HBA2: variants seen among roughly 807,000 people sequenced by gnomAD.
HBA2 encodes hemoglobin subunit alpha 2, also known as hemoglobin subunit alpha.
HBA2 carries 9 observed loss-of-function variants against 5.6 expected under a neutral mutation model. That is an observed-to-expected ratio of 1.60 (90% CI 0.97 to 2.80). The LOEUF is 2.80. Ranked by LOEUF, HBA2 falls within the 30% of genes most tolerant of loss-of-function variation. The pLI, the probability that HBA2 is intolerant of heterozygous loss-of-function variation, is 0.00. For synonymous variants in HBA2, 38 were observed against 73.4 expected, an observed-to-expected ratio of 0.52 and a Z score of 2.47; for missense variants, 86 against 152.1, an observed-to-expected ratio of 0.57 and a Z score of 2.29.
intron 1 of HBA2, 46 bp downstream of exon 1, chr16:173,053 G>A: frequency 2.0e-6 from 1 of 495,096 alleles, no homozygotes; most frequent in Non-Finnish European, 3.4e-6. Flanking sequence ...CGCCCGCCCG[G>A]ACCCACAGGC....
chr16:173,642 C>CCAACGGG lies in HBA2; in HGVS notation c.*44_*50dup, dbSNP rs1291917200. 3 of 1,606,498 alleles carry CCAACGGG rather than the reference C, an allele frequency of 1.9e-6. No homozygotes were observed. The highest frequency in any genetic ancestry group is 2.5e-6 in the Non-Finnish European group (3 of 1,178,852). On this transcript the variant is annotated 3_prime_UTR_variant, in exon 3 of 3. Transcript: ENST00000251595. ...CCGTTCCTCCTGCCCGCTGGGCCTC[C>CCAACGGG]CAACGGGCCCTCCTCCCCTCCTTGC...
At position 172,933 on chromosome 16, in the gene HBA2, CA is replaced by C; in HGVS notation, c.23del (p.Lys8ArgfsTer42). The C allele has an allele frequency of 3.1e-6, 1 of 326,890 alleles. No homozygotes were observed. Among genetic ancestry groups the C allele is most frequent in the South Asian group, 2.3e-5 (1 of 43,224 alleles). 20.2% of individuals were successfully genotyped at this position (326,890 alleles called of 1,614,324 possible). A position where few individuals can be genotyped will look rare whatever the true frequency, so the allele number is the denominator to read the frequency against. On this transcript the variant is annotated frameshift_variant, in exon 1 of 3. Transcript: ENST00000251595. LOFTEE classifies it high-confidence loss of function. ...CCACCATGGTGCTGTCTCCTGCCGA[CA>C]AGACCAACGTCAAGGCCGCCTGGGG... MVLSPAD[K>X]TNVKAAWGKV...
rs41397847 is a variant in HBA2, at chr16:173,548, T to G, written c.377T>G (p.Leu126Arg). 3.1e-6 allele frequency: 5 copies of G among 1,607,758 alleles called. 1 individual carries two copies. In the Admixed American group the frequency reaches 5.0e-5, roughly 16 times the overall value. The change falls in exon 3 of 3, where the codon CTG becomes CGG. Residue 126 changes from leucine to arginine, a missense_variant. Leu to Arg is a moderately radical substitution (Grantham distance 102). This residue lies in a region of HBA2 where 44 missense variants were observed against 54.8 expected (regional missense o/e 0.80). Transcript: ENST00000251595. ...AEFTPAVHAS[L>R]DKFLASVSTV... ...TTCACCCCTGCGGTGCACGCCTCCC[T>G]GGACAAGTTCCTGGCTTCTGTGAGC...
rs1473462077 is a variant in HBA2 at position 173,242 on chromosome 16, G to C, written c.213G>C (p.Val71=). The change falls in exon 2 of 3, where the codon GTG becomes GTC. Residue 71 remains valine, a synonymous_variant. Coordinates refer to ENST00000251595, the MANE Select transcript of HBA2 (RefSeq NM_000517.6). ...TGGCCGACGCGCTGACCAACGCCGT[G>C]GCGCACGTGGACGACATGCCCAACG... The part of the protein sequence containing the change: ...KKVADALTNA[V]AHVDDMPNAL... 1 of 1,409,386 alleles carries C rather than the reference G, an allele frequency of 7.1e-7. No individual in the cohort carries two copies. Among genetic ancestry groups the C allele is most frequent in the Non-Finnish European group, 9.5e-7 (1 of 1,053,100 alleles). 87.3% of individuals were successfully genotyped at this position (1,409,386 alleles called of 1,614,324 possible).
chr16:172,956 G>A lies in HBA2; in HGVS notation c.44G>A (p.Trp15Ter). ...PADKTNVKAA[W>*]GKVGAHAGEY... ...GACAAGACCAACGTCAAGGCCGCCT[G>A]GGGTAAGGTCGGCGCGCACGCTGGC... Residue 15 changes from tryptophan to a stop codon, truncating the protein, a stop_gained, in exon 1 of 3, where the codon TGG (tryptophan) becomes TAG (stop). Coordinates refer to ENST00000251595, the MANE Select transcript of HBA2 (RefSeq NM_000517.6). LOFTEE classifies it high-confidence loss of function. 1 of 386,044 alleles carries A rather than the reference G, an allele frequency of 2.6e-6. No individual in the cohort carries two copies. Among genetic ancestry groups the A allele is most frequent in the South Asian group, 2.3e-5 (1 of 44,136 alleles). 23.9% of individuals were successfully genotyped at this position (386,044 alleles called of 1,614,324 possible).
chr16:173,608 C>T lies in HBA2; in HGVS notation c.*8C>T, dbSNP rs752079990. The T allele has an allele frequency of 5.6e-6, 9 of 1,608,292 alleles. 2 individuals carry two copies. The African/African-American group carries it at 9.8e-5, about 18-fold the overall frequency. On this transcript the variant is annotated 3_prime_UTR_variant, in exon 3 of 3. Coordinates refer to ENST00000251595, the MANE Select transcript of HBA2 (RefSeq NM_000517.6). ...ACCTCCAAATACCGTTAAGCTGGAG[C>T]CTCGGTAGCCGTTCCTCCTGCCCGC...
chr16:173,397 T>C, intron 2 of HBA2, 68 bp downstream of exon 2: 1 of 1,604,786 alleles, frequency 6.2e-7, no homozygotes, highest in South Asian at 1.1e-5. Flanking sequence ...GGGCAGAGGA[T>C]CACGCGGGTT....
Position 173,442 on chromosome 16 carries a change from T to C in HBA2, c.301-30T>C, listed in dbSNP as rs1902056664. On this transcript the variant is annotated intron_variant, in intron 2 of 2. Coordinates refer to ENST00000251595, the MANE Select transcript of HBA2 (RefSeq NM_000517.6). The stretch of plus-strand genomic sequence containing the variant: ...GTAGCGCAGGCGGCGGCTGCGGGCC[T>C]GGGCCGCACTGACCCTCTTCTCTGC... 5 of 1,604,520 alleles carry C rather than the reference T, an allele frequency of 3.1e-6. 1 individual carries two copies. In the African/African-American group the frequency reaches 4.4e-5, roughly 14 times the overall value.
intron 1 of HBA2, 43 bp downstream of exon 1, chr16:173,050 C>T: frequency 4.1e-6 from 2 of 493,074 alleles, no homozygotes; most frequent in Admixed American, 3.5e-5. Context: ...CCTCGCCCGC[C>T]CGGACCCACA....
rs1263969213 is a variant in HBA2, at chr16:173,484, T to C, written c.313T>C (p.Cys105Arg). Residue 105 changes from cysteine (C) to arginine (R), a missense_variant, in exon 3 of 3, where the codon TGC (cysteine) becomes CGC (arginine). Around this residue, in one of 3 missense-constraint regions of HBA2, gnomAD observed 44 missense variants for 54.8 expected, o/e 0.80. Coordinates refer to ENST00000251595, the MANE Select transcript of HBA2 (RefSeq NM_000517.6). ...CTTCTCTGCACAGCTCCTAAGCCACTGCCTGCTGGTGACCCTGGCCGCCCA... is the reference window on the plus strand; with the variant it reads ...CTTCTCTGCACAGCTCCTAAGCCACCGCCTGCTGGTGACCCTGGCCGCCCA... The part of the protein sequence containing the change: ...DPVNFKLLSH[C>R]LLVTLAAHLP... The C allele has an allele frequency of 6.2e-7, 1 of 1,606,102 alleles. No homozygotes were observed. The highest frequency in any genetic ancestry group is 1.7e-5 in the Admixed American group (1 of 59,876).
At position 173,456 on chromosome 16, in the gene HBA2, C is replaced by G. The variant is rs766552284; in HGVS notation, c.301-16C>G. 6.2e-6 allele frequency: 10 copies of G among 1,605,136 alleles called. No homozygotes were observed. The highest frequency in any genetic ancestry group is 8.5e-6 in the Non-Finnish European group (10 of 1,179,838). ...GGCTGCGGGCCTGGGCCGCACTGAC[C>G]CTCTTCTCTGCACAGCTCCTAAGCC... On this transcript the variant is annotated splice_polypyrimidine_tract_variant and intron_variant, in intron 2 of 2. Transcript: ENST00000251595.
At position 173,645 on chromosome 16, in the gene HBA2, A is replaced by C. The variant is rs4021972; in HGVS notation, c.*45A>C. On this transcript the variant is annotated 3_prime_UTR_variant, in exon 3 of 3. Coordinates refer to ENST00000251595, the MANE Select transcript of HBA2 (RefSeq NM_000517.6). ...TTCCTCCTGCCCGCTGGGCCTCCCA[A>C]CGGGCCCTCCTCCCCTCCTTGCACC... The C allele has an allele frequency of 1.9e-6, 3 of 1,604,506 alleles. No individual in the cohort carries two copies. The highest frequency in any genetic ancestry group is 2.5e-6 in the Non-Finnish European group (3 of 1,177,466).
chr16:173,401 G>C lies in HBA2; in HGVS notation c.301-71G>C, dbSNP rs1902055325. 3.1e-6 allele frequency: 5 copies of C among 1,604,782 alleles called. No homozygotes were observed. The South Asian group carries it at 5.6e-5, about 18-fold the overall frequency. ...CCTTCCTCTCAGGGCAGAGGATCAC[G>C]CGGGTTGCGGGAGGTGTAGCGCAGG... On this transcript the variant is annotated intron_variant, in intron 2 of 2. Transcript: ENST00000251595.
rs1316648231 is a variant in HBA2, at chr16:173,527, C to T, written c.356C>T (p.Thr119Ile). 2 of 1,607,074 alleles carry T rather than the reference C, an allele frequency of 1.2e-6. No individual in the cohort carries two copies. Among genetic ancestry groups the T allele is most frequent in the African/African-American group, 1.4e-5 (1 of 70,138 alleles). Reference protein sequence around the residue: ...TLAAHLPAEFTPAVHASLDKF... With the variant: ...TLAAHLPAEFIPAVHASLDKF... ...GCCGCCCACCTCCCCGCCGAGTTCA[C>T]CCCTGCGGTGCACGCCTCCCTGGAC... is the stretch of plus-strand genomic sequence containing the variant. Residue 119 changes from threonine to isoleucine, a missense_variant, in exon 3 of 3, where the codon ACC becomes ATC. Transcript: ENST00000251595.
In HBA2 at chr16:173,121, G is replaced by A; in HGVS notation, c.96-4G>A. The A allele has an allele frequency of 3.3e-6, 2 of 608,834 alleles. No homozygotes were observed. Among genetic ancestry groups the A allele is most frequent in the Non-Finnish European group, 5.4e-6 (2 of 371,958 alleles). 37.7% of individuals were successfully genotyped at this position (608,834 alleles called of 1,614,324 possible). ...CCCACCCCTCACTCTGCTTCTCCCC[G>A]CAGGATGTTCCTGTCCTTCCCCACC... is the stretch of plus-strand genomic sequence containing the variant. On this transcript the variant is annotated splice_region_variant and splice_polypyrimidine_tract_variant and intron_variant, in intron 1 of 2. Transcript: ENST00000251595.
chr16:173,411 G>A (rs1902055605), intron 2 of HBA2, 61 bp from the exon 3 acceptor site: 2 of 1,604,960 alleles, frequency 1.2e-6, no homozygotes, highest in African/African-American at 1.5e-5. Context: ...GCGGGTTGCG[G>A]GAGGTGTAGC....
rs994540893 is a variant in HBA2, at chr16:173,622, C to T, written c.*22C>T. 2 of 1,608,492 alleles carry T rather than the reference C, an allele frequency of 1.2e-6. No individual in the cohort carries two copies. Among genetic ancestry groups the T allele is most frequent in the Non-Finnish European group, 1.7e-6 (2 of 1,179,890 alleles). The stretch of plus-strand genomic sequence containing the variant: ...TTAAGCTGGAGCCTCGGTAGCCGTT[C>T]CTCCTGCCCGCTGGGCCTCCCAACG... On this transcript the variant is annotated 3_prime_UTR_variant, in exon 3 of 3. Coordinates refer to ENST00000251595, the MANE Select transcript of HBA2 (RefSeq NM_000517.6).
At position 173,608 on chromosome 16, in the gene HBA2, C is replaced by A; in HGVS notation, c.*8C>A. ...ACCTCCAAATACCGTTAAGCTGGAGCCTCGGTAGCCGTTCCTCCTGCCCGC... is the reference window on the plus strand; with the variant it reads ...ACCTCCAAATACCGTTAAGCTGGAGACTCGGTAGCCGTTCCTCCTGCCCGC... On this transcript the variant is annotated 3_prime_UTR_variant, in exon 3 of 3. Transcript: ENST00000251595. 1 of 1,608,414 alleles carries A rather than the reference C, an allele frequency of 6.2e-7. No individual in the cohort carries two copies. Among genetic ancestry groups the A allele is most frequent in the Non-Finnish European group, 8.5e-7 (1 of 1,179,922 alleles).
In HBA2 at chr16:173,633, C is replaced by T. The variant is rs2854120; in HGVS notation, c.*33C>T. 4.4e-6 allele frequency: 7 copies of T among 1,607,546 alleles called. No individual in the cohort carries two copies. The highest frequency in any genetic ancestry group is 5.9e-6 in the Non-Finnish European group (7 of 1,179,466). ...CCTCGGTAGCCGTTCCTCCTGCCCG[C>T]TGGGCCTCCCAACGGGCCCTCCTCC... On this transcript the variant is annotated 3_prime_UTR_variant, in exon 3 of 3. Transcript: ENST00000251595.
Sources: allele counts gnomAD v4.1 joint callset, GRCh38; gene constraint gnomAD v4.1.1; regional missense constraint gnomAD v4.1.1; transcripts MANE v1.5; gene names NCBI Gene and HGNC (gene_info 2026-07-23, HGNC 2026-07-21).